The following WDR18 variants were observed in gnomAD, a reference collection of about 807,000 sequenced individuals.
WDR18 encodes WD repeat-containing protein 18.
A neutral mutation model predicts 49.6 loss-of-function variants in WDR18; 33 were observed. The observed-to-expected ratio is 0.67, with a 90% CI of 0.50 to 0.89. WDR18 has a LOEUF of 0.89. Ranked by LOEUF, WDR18 falls within the 40% of genes least tolerant of loss-of-function variation. WDR18 has a pLI of 0.00. For missense variants in WDR18, 653 were observed against 593.6 expected (o/e 1.10, Z -1.04); for synonymous variants, 315 against 263.6 (o/e 1.19, Z -1.89).
intron 8 of WDR18, among the ~76,000 whole-genome samples, chr19:993,226 G>A (rs1310514165): frequency 1.3e-5 from 2 of 152,228 alleles, no homozygotes; most frequent in Non-Finnish European, 2.9e-5. Flanking sequence ...GGCCTCCAGC[G>A]GCAGAGCCAG....
upstream of WDR18, chr19:984,199 T>C (rs1461385086): frequency 2.5e-6 from 2 of 811,948 alleles, no homozygotes; most frequent in Non-Finnish European, 3.6e-6. Context: ...AAGCGGGAAA[T>C]CCCACTTCAC....
chr19:990,729 C>T (rs771789462), intron 4 of WDR18, 123 bp from the exon 5 acceptor site: 53 of 1,402,460 alleles, frequency 3.8e-5, no homozygotes, highest in Non-Finnish European at 4.8e-5. Context: ...CGGCTTTCAC[C>T]CAAAGTCGCA....
chr19:983,148 C>T (rs1385958492), upstream of WDR18, among the ~76,000 whole-genome samples: 1 of 152,198 alleles, frequency 6.6e-6, no homozygotes, highest in African/African-American at 2.4e-5. Flanking sequence ...CATTTTAAAT[C>T]ATACTGTTTT....
At chr19:992,768 G>A (rs1190396103) in intron 8 of WDR18, among the ~76,000 whole-genome samples, 1 of 152,222 alleles carries the variant, frequency 6.6e-6, no homozygotes, top group Non-Finnish European at 1.5e-5. Context: ...GGTTCCTTGG[G>A]CCTGGGGAGG....
intron 4 of WDR18, 82 bp downstream of exon 4, chr19:990,446 C>A (rs1358864034): frequency 2.1e-6 from 3 of 1,425,320 alleles, no homozygotes; most frequent in Non-Finnish European, 2.8e-6. Flanking sequence ...GGAATCGCCT[C>A]CTCCCGCTCC....
intron 2 of WDR18, among the ~76,000 whole-genome samples, 157 bp from the exon 3 acceptor site, chr19:989,605 G>A (rs923149740): frequency 2.0e-5 from 3 of 152,222 alleles, no homozygotes; most frequent in Non-Finnish European, 2.9e-5. Context: ...CCTGCTGGCC[G>A]CTGCCCTGAC....
intron 2 of WDR18, among the ~76,000 whole-genome samples, chr19:987,865 C>T (rs551005403): frequency 1.2e-5 from 1 of 81,386 alleles, no homozygotes; most frequent in South Asian, 4.4e-4. Flanking sequence ...GATGAAGTCT[C>T]GCTCTGTTGC....
chr19:984,143 C>A, upstream of WDR18: 3 of 518,906 alleles, frequency 5.8e-6, no homozygotes, highest in Non-Finnish European at 9.8e-6. Context: ...GAAGAAGTCG[C>A]CTCCCCAGAT....
chr19:990,016 G>A (rs772666194), intron 3 of WDR18, 121 bp downstream of exon 3: 247 of 1,459,512 alleles, frequency 1.7e-4, no homozygotes, highest in Non-Finnish European at 2.0e-4. Flanking sequence ...TGCAGAGGAC[G>A]GAGTGATCAT....
At chr19:991,873 G>GGAGGCGGGGACTT in intron 7 of WDR18, 82 bp from the exon 8 acceptor site, 1 of 1,366,070 alleles carries the variant, frequency 7.3e-7, no homozygotes, top group Non-Finnish European at 9.4e-7. Context: ...GGCGGGGACT[G>GGAGGCGGGGACTT]CCCTGGATGG....
chr19:994,375 G>C lies in WDR18; in HGVS notation c.*31G>C, dbSNP rs1198954932. 1 of 1,583,562 alleles carries C rather than the reference G, an allele frequency of 6.3e-7. No homozygotes were observed. The highest frequency in any genetic ancestry group is 2.3e-5 in the East Asian group (1 of 43,430). On this transcript the variant is annotated 3_prime_UTR_variant, in exon 10 of 10. Coordinates refer to ENST00000585809, the MANE Select transcript of WDR18 (RefSeq NM_024100.4). Reference sequence around the variant, plus strand: ...GGAGACCCCGGCCCGAGGCGCCCAGGCCTGAGCCCCATGCCTCCCAGCAAC... The same window carrying C: ...GGAGACCCCGGCCCGAGGCGCCCAGCCCTGAGCCCCATGCCTCCCAGCAAC...
At chr19:994,139 C>A (rs1283713699) in intron 9 of WDR18, 51 bp downstream of exon 9, 3 of 1,547,374 alleles carry the variant, frequency 1.9e-6, no homozygotes, top group African/African-American at 2.7e-5. Flanking sequence ...TCAGTCCTGG[C>A]CAGTGGGGGT....
intron 8 of WDR18, 57 bp downstream of exon 8, chr19:992,178 C>A: frequency 5.0e-6 from 7 of 1,391,718 alleles, no homozygotes; most frequent in Non-Finnish European, 5.6e-6. Context: ...ACCCCGCGGG[C>A]CCTGGGCTCC....
chr19:983,297 A>G (rs2145498424), upstream of WDR18, among the ~76,000 whole-genome samples: 1 of 152,162 alleles, frequency 6.6e-6, no homozygotes, highest in African/African-American at 2.4e-5. Flanking sequence ...ATAAATAAAT[A>G]ATAGATATAT....
intron 8 of WDR18, among the ~76,000 whole-genome samples, 193 bp downstream of exon 8, chr19:992,314 G>A (rs975136273): frequency 6.6e-6 from 1 of 152,220 alleles, no homozygotes; most frequent in East Asian, 1.9e-4. Flanking sequence ...GGACCCAGAG[G>A]CTCTGAGAAG....
In WDR18 at chr19:991,323, G is replaced by C. The variant is rs1177165408; in HGVS notation, c.903G>C (p.Lys301Asn). ...TGCGCCTCTGGGACGTGCAGAGCAAGCAGTGCATCCGGACGGTGGCCCTCA... is the reference window on the plus strand; with the variant it reads ...TGCGCCTCTGGGACGTGCAGAGCAACCAGTGCATCCGGACGGTGGCCCTCA... The part of the protein sequence containing the change: ...ETVRLWDVQS[K>N]QCIRTVALKG... The change falls in exon 7 of 10, where the codon AAG becomes AAC. Residue 301 changes from lysine (K) to asparagine (N), a missense_variant. By Grantham distance (94) the Lys-to-Asn change is moderately conservative (BLOSUM62 0). Transcript: ENST00000585809. 2.6e-6 allele frequency: 4 copies of C among 1,558,546 alleles called. No individual in the cohort carries two copies. The East Asian group carries it at 9.6e-5, about 37-fold the overall frequency.
At chr19:990,705 G>A (rs1050293541) in intron 4 of WDR18, 147 bp from the exon 5 acceptor site, 6 of 1,244,680 alleles carry the variant, frequency 4.8e-6, no homozygotes, top group Admixed American at 3.0e-5. Flanking sequence ...TGGCCCCCAA[G>A]ACCCACATGG....
Position 990,876 on chromosome 19 carries a change from C to T in WDR18, c.622C>T (p.Leu208=), listed in dbSNP as rs1467092145. ...GCTATGGGAGGTCTCCTCGGGGGAG[C>T]TGCTGCTCTCCGTCCTCTTTGACGT... The part of the protein sequence containing the change: ...VKLWEVSSGE[L]LLSVLFDVSI... The change falls in exon 5 of 10, where the codon CTG becomes TTG. Residue 208 remains leucine (L), a synonymous_variant. Transcript: ENST00000585809. 3.1e-6 allele frequency: 5 copies of T among 1,611,258 alleles called. No individual in the cohort carries two copies. Among genetic ancestry groups the T allele is most frequent in the Non-Finnish European group, 4.2e-6 (5 of 1,179,096 alleles).
intron 2 of WDR18, among the ~76,000 whole-genome samples, chr19:987,944 C>T (rs2038494078): frequency 6.7e-6 from 1 of 150,072 alleles, no homozygotes; most frequent in African/African-American, 2.5e-5. Context: ...AAGCGATTCT[C>T]CTGCCTCAGC....
Sources: gnomAD v4.1 joint callset for allele counts (sites outside exome capture counted in the v4.1 genomes callset) on GRCh38, gnomAD v4.1.1 for gene constraint, MANE v1.5 for transcripts, NCBI Gene and HGNC (gene_info 2026-07-23, HGNC 2026-07-21) for gene names.